Variants in LRP1B observed in about 807,000 individuals in gnomAD.
The protein encoded by LRP1B is low-density lipoprotein receptor-related protein 1B.
LRP1B carries 217 observed loss-of-function variants against 556.6 expected under a neutral mutation model. The observed-to-expected ratio is 0.39, with a 90% CI of 0.35 to 0.44. LRP1B has a LOEUF of 0.44. LRP1B is among the 20% of genes least tolerant of loss of function. LRP1B has a pLI of 1.00. For missense variants in LRP1B, 5,053 were observed against 5,620.8 expected (o/e 0.90, Z 3.23); for synonymous variants, 2,047 against 1,865.8 (o/e 1.10, Z -2.50).
intron 1 of LRP1B, among the ~76,000 whole-genome samples, chr2:141,862,489 A>G (rs1423281805): frequency 1.3e-5 from 2 of 152,294 alleles, no homozygotes; most frequent in East Asian, 3.9e-4. Context: ...GGCTCACGGC[A>G]ACCTCCGCCT....
intron 3 of LRP1B, among the ~76,000 whole-genome samples, chr2:141,254,942 C>T (rs768141140): frequency 2.6e-5 from 4 of 151,972 alleles, no homozygotes; most frequent in East Asian, 1.9e-4. Context: ...GTCAACTCAG[C>T]GGTTGATTTT....
intron 1 of LRP1B, among the ~76,000 whole-genome samples, chr2:141,836,390 A>T (rs550102949): frequency 1.3e-5 from 2 of 152,140 alleles, no homozygotes; most frequent in South Asian, 4.1e-4. Flanking sequence ...TATGGATATG[A>T]TACATCTATG....
chr2:140,373,355 C>T (rs1683077465), intron 68 of LRP1B, among the ~76,000 whole-genome samples: 1 of 151,986 alleles, frequency 6.6e-6, no homozygotes, highest in African/African-American at 2.4e-5. Flanking sequence ...CATAGAAACC[C>T]AGAAGTGTAA....
At chr2:141,122,082 C>A (rs1006707580) in intron 7 of LRP1B, among the ~76,000 whole-genome samples, 4 of 152,138 alleles carry the variant, frequency 2.6e-5, no homozygotes, top group African/African-American at 9.7e-5. Context: ...CTTCCTTACA[C>A]CTTATACAAA....
intron 37 of LRP1B, among the ~76,000 whole-genome samples, chr2:140,710,137 G>C (rs1201720497): frequency 6.6e-6 from 1 of 151,964 alleles, no homozygotes; most frequent in Non-Finnish European, 1.5e-5. Flanking sequence ...TTCTCATTTT[G>C]AGAGCTCAAA....
At chr2:141,529,620 A>C (rs867827961) in intron 2 of LRP1B, among the ~76,000 whole-genome samples, 1 of 152,160 alleles carries the variant, frequency 6.6e-6, no homozygotes, top group Admixed American at 6.6e-5. Context: ...TGACTTTCTC[A>C]ATACTTGAAT....
At chr2:141,982,065 A>T in intron 1 of LRP1B, among the ~76,000 whole-genome samples, 1 of 152,160 alleles carries the variant, frequency 6.6e-6, no homozygotes, top group East Asian at 1.9e-4. Flanking sequence ...GGGGGGATTC[A>T]GATCCTTAAA....
chr2:140,738,276 A>T (rs1032657143), intron 35 of LRP1B, among the ~76,000 whole-genome samples: 35 of 152,182 alleles, frequency 2.3e-4, no homozygotes, highest in African/African-American at 7.7e-4. Flanking sequence ...TAACATTTGT[A>T]GGTAGTTTCA....
intron 2 of LRP1B, among the ~76,000 whole-genome samples, chr2:141,552,510 A>G (rs1284651410): frequency 2.0e-5 from 3 of 152,156 alleles, no homozygotes; most frequent in African/African-American, 7.2e-5. Flanking sequence ...AAGGTTATCT[A>G]TTTGGACTAA....
At chr2:141,661,216 G>A (rs1478239590) in intron 2 of LRP1B, among the ~76,000 whole-genome samples, 1 of 152,118 alleles carries the variant, frequency 6.6e-6, no homozygotes, top group Non-Finnish European at 1.5e-5. Context: ...TCAAGAAGAC[G>A]AAAAGGAATC....
chr2:140,646,093 G>A (rs16844384), intron 41 of LRP1B, among the ~76,000 whole-genome samples: 11,227 of 152,146 alleles, frequency 0.074, 511 homozygotes, highest in African/African-American at 0.11. Flanking sequence ...TCAAAACTCA[G>A]TTCTCGTAAT....
intron 35 of LRP1B, among the ~76,000 whole-genome samples, chr2:140,751,784 A>C (rs183091257): frequency 9.0e-4 from 137 of 152,304 alleles, no homozygotes; most frequent in Non-Finnish European, 1.7e-3. Context: ...AAAGATGTTT[A>C]AACCAAGCTG....
chr2:141,421,829 T>C (rs530475852), intron 3 of LRP1B, among the ~76,000 whole-genome samples: 32 of 152,302 alleles, frequency 2.1e-4, no homozygotes, highest in African/African-American at 6.7e-4. Flanking sequence ...AACGTACCAA[T>C]GATCTCATTT....
intron 3 of LRP1B, among the ~76,000 whole-genome samples, chr2:141,467,766 C>T (rs1682287704): frequency 7.2e-6 from 1 of 138,784 alleles, no homozygotes; most frequent in East Asian, 2.2e-4. Context: ...AGGTGAAATG[C>T]AGGCATAAAT....
chr2:141,570,494 C>T lies in LRP1B; in HGVS notation c.206-89961G>A, dbSNP rs567327564. On this transcript the variant is annotated intron_variant, in intron 2 of 90. Transcript: ENST00000389484. ...TGGATGGCACAGATTATTTTACAGC[C>T]TCTCAGCTGGAATCTGCTTAAGCCT... is the stretch of plus-strand genomic sequence containing the variant. 4.0e-5 allele frequency among the ~76,000 whole-genome samples: 6 copies of T among 151,494 alleles called. No individual in the cohort carries two copies. The South Asian group carries it at 8.3e-4, about 21-fold the overall frequency.
chr2:141,149,068 G>A (rs997325243), intron 7 of LRP1B, among the ~76,000 whole-genome samples: 2 of 151,944 alleles, frequency 1.3e-5, no homozygotes, highest in African/African-American at 4.8e-5. Flanking sequence ...GGAGTGCAGT[G>A]GTGCGATCTC....
At chr2:141,752,507 T>C (rs1158994799) in intron 2 of LRP1B, among the ~76,000 whole-genome samples, 4 of 152,132 alleles carry the variant, frequency 2.6e-5, no homozygotes, top group Non-Finnish European at 5.9e-5. Context: ...TCTTCCTCAC[T>C]ATCCACTAAC....
chr2:140,636,676 G>C (rs953432841), intron 41 of LRP1B, among the ~76,000 whole-genome samples: 1 of 151,988 alleles, frequency 6.6e-6, no homozygotes, highest in Non-Finnish European at 1.5e-5. Context: ...ATTCCAAAGA[G>C]AGTAAAGATA....
At chr2:141,627,893 T>C (rs1004792397) in intron 2 of LRP1B, among the ~76,000 whole-genome samples, 3 of 152,152 alleles carry the variant, frequency 2.0e-5, no homozygotes, top group Non-Finnish European at 4.4e-5. Flanking sequence ...GGTCAGAAAG[T>C]AGAGAGTTAA....
Sources: gnomAD v4.1 joint callset for allele counts (sites outside exome capture counted in the v4.1 genomes callset) on GRCh38, gnomAD v4.1.1 for gene constraint, MANE v1.5 for transcripts, NCBI Gene and HGNC (gene_info 2026-07-23, HGNC 2026-07-21) for gene names.